NBEA: variants seen among roughly 807,000 people sequenced by gnomAD.
NBEA encodes neurobeachin.
NBEA carries 44 observed loss-of-function variants against 343.4 expected under a neutral mutation model. That is an observed-to-expected ratio of 0.13 (90% CI 0.10 to 0.16). The LOEUF is 0.16. Ranked by LOEUF, NBEA falls within the 10% of genes least tolerant of loss-of-function variation. NBEA has a pLI of 1.00. For synonymous variants in NBEA, 1,175 were observed against 1,238.7 expected, an observed-to-expected ratio of 0.95 and a Z score of 1.08; for missense variants, 2,555 against 3,631.3, an observed-to-expected ratio of 0.70 and a Z score of 7.62.
chr13:35,009,601 C>T (rs866227809), intron 1 of NBEA, among the ~76,000 whole-genome samples: 2 of 152,126 alleles, frequency 1.3e-5, no homozygotes, highest in Non-Finnish European at 1.5e-5. Flanking sequence ...ATGTAGAGTG[C>T]TGTACAAGTT....
chr13:35,109,531 A>T, intron 12 of NBEA, 89 bp downstream of exon 12: 6 of 1,217,418 alleles, frequency 4.9e-6, no homozygotes, highest in Non-Finnish European at 6.5e-6. Flanking sequence ...AAAACATTTG[A>T]ACATTTTAGC....
intron 44 of NBEA, among the ~76,000 whole-genome samples, chr13:35,556,527 C>T (rs1181551170): frequency 6.6e-6 from 1 of 151,648 alleles, no homozygotes; most frequent in East Asian, 1.9e-4. Flanking sequence ...TTAATGTCCT[C>T]TTGCTTTTTA....
At chr13:35,654,373 C>A (rs1168711384) in intron 53 of NBEA, among the ~76,000 whole-genome samples, 2 of 152,212 alleles carry the variant, frequency 1.3e-5, no homozygotes, top group African/African-American at 2.4e-5. Flanking sequence ...GCCCACGTAA[C>A]AACATCCCTT....
intron 34 of NBEA, among the ~76,000 whole-genome samples, chr13:35,275,800 A>G (rs1046900670): frequency 2.6e-5 from 4 of 152,166 alleles, no homozygotes; most frequent in African/African-American, 4.8e-5. Flanking sequence ...CAAAACCACA[A>G]TGAGATACCA....
chr13:35,014,087 A>G (rs543467505), intron 1 of NBEA, among the ~76,000 whole-genome samples: 4 of 152,308 alleles, frequency 2.6e-5, no homozygotes, highest in Admixed American at 6.5e-5. Flanking sequence ...CCTTCTCATT[A>G]GGATATAAAC....
At chr13:35,453,647 G>C (rs2046412873) in intron 40 of NBEA, among the ~76,000 whole-genome samples, 1 of 152,152 alleles carries the variant, frequency 6.6e-6, no homozygotes, top group Non-Finnish European at 1.5e-5. Context: ...TGCTAGCAGA[G>C]ATGTTTAATA....
intron 41 of NBEA, among the ~76,000 whole-genome samples, chr13:35,522,727 C>T (rs1439768130): frequency 6.6e-6 from 1 of 151,990 alleles, no homozygotes; most frequent in African/African-American, 2.4e-5. Context: ...ATGAGATTCT[C>T]ATAGGATCGT....
chr13:35,008,053 G>T (rs147702536), intron 1 of NBEA, among the ~76,000 whole-genome samples: 2 of 152,200 alleles, frequency 1.3e-5, no homozygotes, highest in African/African-American at 4.8e-5. Context: ...TTTGATTTAC[G>T]CTGGTGCTGG....
At chr13:35,163,905 A>C (rs965823674) in intron 23 of NBEA, among the ~76,000 whole-genome samples, 2 of 152,078 alleles carry the variant, frequency 1.3e-5, no homozygotes, top group Admixed American at 6.6e-5. Flanking sequence ...CTTTCAGTTA[A>C]ATTTTTAGGT....
chr13:35,030,410 G>A (rs2062166254), intron 1 of NBEA, among the ~76,000 whole-genome samples: 1 of 151,270 alleles, frequency 6.6e-6, no homozygotes, highest in Non-Finnish European at 1.5e-5. Flanking sequence ...CTACACCTCT[G>A]ACTTCATAGC....
chr13:35,018,462 A>G (rs1056186312), intron 1 of NBEA, among the ~76,000 whole-genome samples: 3 of 152,180 alleles, frequency 2.0e-5, no homozygotes, highest in Non-Finnish European at 4.4e-5. Flanking sequence ...ACAAATATTT[A>G]GATGTACTTA....
At chr13:35,554,063 C>A (rs1401308097) in intron 43 of NBEA, among the ~76,000 whole-genome samples, 1 of 152,156 alleles carries the variant, frequency 6.6e-6, no homozygotes, top group Non-Finnish European at 1.5e-5. Context: ...GACATACACA[C>A]CCCATTAGTA....
rs544163055 is a variant in NBEA at position 35,086,930 on chromosome 13, C to T, written c.1572-11367C>T. Among the ~76,000 whole-genome samples the T allele has an allele frequency of 2.5e-3, 380 of 152,010 alleles. 3 individuals are homozygous for T. Among genetic ancestry groups the T allele is most frequent in the African/African-American group, 8.8e-3 (366 of 41,508 alleles). On this transcript the variant is annotated intron_variant, in intron 10 of 58. Coordinates refer to ENST00000379939, the MANE Select transcript of NBEA (RefSeq NM_001385012.1). ...GAATATTTTTTCATATACCTGTTGACAATTTCTGTGTCTTCTTTTGAGAGA... is the reference window on the plus strand; with the variant it reads ...GAATATTTTTTCATATACCTGTTGATAATTTCTGTGTCTTCTTTTGAGAGA...
chr13:35,475,215 G>A, intron 41 of NBEA: 1 of 1,614,044 alleles, frequency 6.2e-7, no homozygotes, highest in East Asian at 2.2e-5. Flanking sequence ...GCAGGCAGGA[G>A]ATAAGTTGCA....
At chr13:35,164,605 C>A in intron 24 of NBEA, 96 bp downstream of exon 24, 8 of 1,331,350 alleles carry the variant, frequency 6.0e-6, no homozygotes, top group South Asian at 1.4e-5. Flanking sequence ...TTTAACCAGA[C>A]CTGTACTTTT....
intron 34 of NBEA, among the ~76,000 whole-genome samples, chr13:35,247,616 G>A (rs1430414244): frequency 1.3e-5 from 2 of 152,076 alleles, no homozygotes; most frequent in African/African-American, 4.8e-5. Context: ...TCACAGTTTG[G>A]ACACTCACAG....
At chr13:35,377,267 AAC>A (rs1399585836) in intron 38 of NBEA, among the ~76,000 whole-genome samples, 1 of 152,142 alleles carries the variant, frequency 6.6e-6, no homozygotes, top group Admixed American at 6.6e-5. Context: ...GCAATGGTGA[AAC>A]ACAGGGCTGG....
At chr13:35,136,924 C>T (rs1187354912) in intron 17 of NBEA, among the ~76,000 whole-genome samples, 1 of 152,168 alleles carries the variant, frequency 6.6e-6, no homozygotes, top group Non-Finnish European at 1.5e-5. Flanking sequence ...ACAATTCATA[C>T]ATAACAGCAG....
intron 41 of NBEA, chr13:35,475,767 C>A (rs200699678): frequency 1.8e-5 from 29 of 1,613,900 alleles, no homozygotes; most frequent in Non-Finnish European, 2.3e-5. Context: ...TTTTGCGCGC[C>A]GAGAGGTAGC....
Sources: gnomAD v4.1 joint callset for allele counts (sites outside exome capture counted in the v4.1 genomes callset) on GRCh38, gnomAD v4.1.1 for gene constraint, MANE v1.5 for transcripts, NCBI Gene and HGNC (gene_info 2026-07-23, HGNC 2026-07-21) for gene names.